The following SYT10 variants were observed in gnomAD, a reference collection of about 807,000 sequenced individuals.
SYT10 encodes the protein synaptotagmin 10.
A neutral mutation model predicts 51.1 loss-of-function variants in SYT10; 31 were observed. That is an observed-to-expected ratio of 0.61 (90% CI 0.46 to 0.82). SYT10 has a LOEUF of 0.82. Ranked by LOEUF, SYT10 falls within the 40% of genes least tolerant of loss-of-function variation. The pLI is 0.00. For synonymous variants in SYT10, 233 were observed against 225.9 expected (o/e 1.03, Z -0.28); for missense variants, 603 against 634.0 (o/e 0.95, Z 0.53).
intron 1 of SYT10, among the ~76,000 whole-genome samples, chr12:33,438,660 G>C (rs1866657257): frequency 6.6e-6 from 1 of 152,172 alleles, no homozygotes; most frequent in Non-Finnish European, 1.5e-5. Flanking sequence ...GAGAGCGTGC[G>C]TGTGCTAGGG....
Position 33,398,464 on chromosome 12 carries a change from G to A in SYT10, c.1077+8325C>T, listed in dbSNP as rs149318347. 4.8e-3 allele frequency among the ~76,000 whole-genome samples: 734 copies of A among 152,206 alleles called. 8 individuals carry two copies. The highest frequency in any genetic ancestry group is 0.017 in the African/African-American group (688 of 41,534). ...GGAGGCGGAGGTTGCAACGAGCCGA[G>A]ATCATGCCACTGCACTCCAGCTTGG... On this transcript the variant is annotated intron_variant, in intron 3 of 6. Coordinates refer to ENST00000228567, the MANE Select transcript of SYT10 (RefSeq NM_198992.4).
chr12:33,394,572 A>G (rs1307679701), intron 3 of SYT10, among the ~76,000 whole-genome samples: 4 of 152,186 alleles, frequency 2.6e-5, no homozygotes, highest in Non-Finnish European at 4.4e-5. Context: ...AAATTTTACA[A>G]ACATTTTACG....
At chr12:33,379,122 C>T (rs1051791001) in intron 6 of SYT10, among the ~76,000 whole-genome samples, 1 of 152,120 alleles carries the variant, frequency 6.6e-6, no homozygotes, top group Admixed American at 6.6e-5. Flanking sequence ...CTCTCCCATT[C>T]AATCCAGTCC....
At chr12:33,434,783 C>T (rs926780974) in intron 1 of SYT10, among the ~76,000 whole-genome samples, 12 of 152,132 alleles carry the variant, frequency 7.9e-5, no homozygotes, top group African/African-American at 2.9e-4. Context: ...CCAGCCTGGG[C>T]AACAACAGTG....
chr12:33,385,779 G>T (rs1866152027), intron 3 of SYT10, among the ~76,000 whole-genome samples: 1 of 152,100 alleles, frequency 6.6e-6, no homozygotes, highest in Non-Finnish European at 1.5e-5. Flanking sequence ...ATCACCACTT[G>T]CCAGGATTAC....
intron 6 of SYT10, among the ~76,000 whole-genome samples, chr12:33,378,812 A>ATC (rs1158673601): frequency 2.3e-5 from 3 of 132,776 alleles, no homozygotes; most frequent in Non-Finnish European, 4.7e-5. Context: ...GTGACTGGGT[A>ATC]TCTGTGTGTG....
chr12:33,413,210 G>T (rs1866423276), intron 2 of SYT10, among the ~76,000 whole-genome samples: 1 of 152,174 alleles, frequency 6.6e-6, no homozygotes, highest in African/African-American at 2.4e-5. Context: ...CATCTGATTG[G>T]TGTACCTGAA....
chr12:33,415,691 G>C (rs983715833), intron 2 of SYT10, among the ~76,000 whole-genome samples: 4 of 152,078 alleles, frequency 2.6e-5, no homozygotes, highest in African/African-American at 9.7e-5. Flanking sequence ...TCATAAAGAG[G>C]CTTGAATAGC....
At chr12:33,428,797 T>G (rs549180747) in intron 1 of SYT10, among the ~76,000 whole-genome samples, 1 of 151,902 alleles carries the variant, frequency 6.6e-6, no homozygotes, top group Non-Finnish European at 1.5e-5. Flanking sequence ...TCCCAGCTAC[T>G]TGGGAGGCTG....
At chr12:33,410,159 T>C (rs1866393385) in intron 2 of SYT10, among the ~76,000 whole-genome samples, 1 of 152,226 alleles carries the variant, frequency 6.6e-6, no homozygotes, top group Non-Finnish European at 1.5e-5. Context: ...TTAAGTTTAT[T>C]CTGTGATTCT....
At chr12:33,378,173 C>A (rs572789028) in intron 6 of SYT10, among the ~76,000 whole-genome samples, 12 of 152,160 alleles carry the variant, frequency 7.9e-5, no homozygotes, top group Non-Finnish European at 1.8e-4. Context: ...TACATTTACA[C>A]AATCTTGTTC....
intron 2 of SYT10, among the ~76,000 whole-genome samples, chr12:33,419,671 C>T (rs1249826513): frequency 6.6e-6 from 1 of 151,924 alleles, no homozygotes; most frequent in Non-Finnish European, 1.5e-5. Context: ...GACTTCTCTC[C>T]ATGTTTAAAA....
intron 1 of SYT10, among the ~76,000 whole-genome samples, chr12:33,436,493 T>A (rs1866638548): frequency 1.3e-5 from 2 of 152,182 alleles, no homozygotes; most frequent in African/African-American, 2.4e-5. Flanking sequence ...TGTTGGCAAC[T>A]TTAGTGTAAG....
rs1346069104 is a variant in SYT10, at chr12:33,401,626, C to A, written c.1077+5163G>T. ...AATTTAAAATGTTCCTGCTTGATTT[C>A]ATGTATATATGGCTGCCATACCCTG... On this transcript the variant is annotated intron_variant, in intron 3 of 6. Coordinates refer to ENST00000228567, the MANE Select transcript of SYT10 (RefSeq NM_198992.4). Among the ~76,000 whole-genome samples, 3 of 152,032 alleles carry A rather than the reference C, an allele frequency of 2.0e-5. No homozygotes were observed. The South Asian group carries it at 6.2e-4, about 31-fold the overall frequency.
chr12:33,419,153 C>T (rs1260236200), intron 2 of SYT10, among the ~76,000 whole-genome samples: 1 of 152,132 alleles, frequency 6.6e-6, no homozygotes, highest in Non-Finnish European at 1.5e-5. Context: ...GTCCTGGCTA[C>T]AATGTTTAAA....
chr12:33,434,895 C>G (rs891699734), intron 1 of SYT10, among the ~76,000 whole-genome samples: 3 of 152,150 alleles, frequency 2.0e-5, no homozygotes, highest in Non-Finnish European at 4.4e-5. Flanking sequence ...AATAAACAAG[C>G]CCCTGACCTC....
intron 3 of SYT10, among the ~76,000 whole-genome samples, chr12:33,402,239 A>C (rs938734462): frequency 1.3e-5 from 2 of 152,212 alleles, no homozygotes; most frequent in Admixed American, 1.3e-4. Flanking sequence ...TTATAGATTA[A>C]ATATAACATT....
chr12:33,399,809 A>G lies in SYT10; in HGVS notation c.1077+6980T>C, dbSNP rs779249433. On this transcript the variant is annotated intron_variant, in intron 3 of 6. Coordinates refer to ENST00000228567, the MANE Select transcript of SYT10 (RefSeq NM_198992.4). ...ATAGATGCTTCCCATCAATTCTCGC[A>G]AAGTAAAAGACCTTACATACAGGTT... Among the ~76,000 whole-genome samples, 4 of 152,198 alleles carry G rather than the reference A, an allele frequency of 2.6e-5. No individual in the cohort carries two copies. In the South Asian group the frequency reaches 8.3e-4, roughly 31 times the overall value.
chr12:33,389,105 A>G lies in SYT10; in HGVS notation c.1078-3814T>C, dbSNP rs1253839592. 3.9e-5 allele frequency among the ~76,000 whole-genome samples: 6 copies of G among 152,338 alleles called. No individual in the cohort carries two copies. The South Asian group carries it at 1.2e-3, about 32-fold the overall frequency. ...AGGAATAATGCTGTACGTGAGTACTATGATTATACTCAGAAATAAAATGGT... is the reference window on the plus strand; with the variant it reads ...AGGAATAATGCTGTACGTGAGTACTGTGATTATACTCAGAAATAAAATGGT... On this transcript the variant is annotated intron_variant, in intron 3 of 6. Coordinates refer to ENST00000228567, the MANE Select transcript of SYT10 (RefSeq NM_198992.4).
Sources: allele counts gnomAD v4.1 joint callset (sites outside exome capture counted in the v4.1 genomes callset), GRCh38; gene constraint gnomAD v4.1.1; transcripts MANE v1.5; gene names NCBI Gene and HGNC (gene_info 2026-07-23, HGNC 2026-07-21).